The following CMIP variants were observed in gnomAD, a reference collection of about 807,000 sequenced individuals.
The protein encoded by CMIP is c-Maf inducing protein, also known as C-Maf-inducing protein.
In CMIP, 13 loss-of-function variants were observed where a neutral mutation model predicts 97.3. The observed-to-expected ratio is 0.13, with a 90% CI of 0.09 to 0.21. The LOEUF (loss-of-function observed/expected upper bound fraction) is 0.21, where lower values mean the gene tolerates loss of function less well. Ranked by LOEUF, CMIP falls within the 10% of genes least tolerant of loss-of-function variation. CMIP has a pLI of 1.00. For synonymous variants in CMIP, 538 were observed against 436.3 expected, an observed-to-expected ratio of 1.23 and a Z score of -2.91; for missense variants, 847 against 1,024.9, an observed-to-expected ratio of 0.83 and a Z score of 2.37.
chr16:81,502,085 C>T (rs1388443305), intron 1 of CMIP, among the ~76,000 whole-genome samples: 1 of 152,172 alleles, frequency 6.6e-6, no homozygotes, highest in African/African-American at 2.4e-5. Context: ...CAGAGCAGCC[C>T]TAAGGGGCAG....
At chr16:81,695,518 G>C (rs1906611259) in intron 13 of CMIP, 1 of 152,222 alleles carries the variant, frequency 6.6e-6, no homozygotes, top group Admixed American at 6.5e-5. Flanking sequence ...TTTCCTAAAG[G>C]AAATGATGAG....
chr16:81,654,492 C>G, intron 4 of CMIP, among the ~76,000 whole-genome samples: 1 of 152,182 alleles, frequency 6.6e-6, no homozygotes, highest in East Asian at 1.9e-4. Context: ...AAGAAGTTTC[C>G]ATGTGCTTTG....
intron 2 of CMIP, chr16:81,610,382 C>G (rs1031715788): frequency 1.0e-6 from 1 of 985,612 alleles, no homozygotes; most frequent in Non-Finnish European, 1.2e-6. Context: ...CCCCTGATCC[C>G]GTGGACAGCG....
Position 81,681,101 on chromosome 16 carries a change from C to T in CMIP, c.1388+2473C>T, listed in dbSNP as rs142811801. On this transcript the variant is annotated intron_variant, in intron 10 of 20. Transcript: ENST00000537098. ...CCAGGACAGTCAGGGCAAGCCAGGACGGGTTCCCGATGGGGCTACGCAGAG... is the reference window on the plus strand; with the variant it reads ...CCAGGACAGTCAGGGCAAGCCAGGATGGGTTCCCGATGGGGCTACGCAGAG... Among the ~76,000 whole-genome samples the T allele has an allele frequency of 3.5e-4, 54 of 152,318 alleles. 2 individuals carry two copies. The East Asian group carries it at 6.7e-3, about 19-fold the overall frequency.
At chr16:81,447,826 G>T (rs1413414605) in intron 1 of CMIP, among the ~76,000 whole-genome samples, 1 of 152,220 alleles carries the variant, frequency 6.6e-6, no homozygotes, top group East Asian at 1.9e-4. Flanking sequence ...GGGCTGTGAG[G>T]GCTGGCCTGG....
intron 1 of CMIP, among the ~76,000 whole-genome samples, chr16:81,508,955 A>G (rs556019665): frequency 5.2e-4 from 79 of 152,232 alleles, no homozygotes; most frequent in Non-Finnish European, 9.7e-4. Flanking sequence ...TCCTTTGCTC[A>G]GCGTGGAGTC....
chr16:81,452,552 G>A (rs1420556451), intron 1 of CMIP, among the ~76,000 whole-genome samples: 7 of 152,140 alleles, frequency 4.6e-5, no homozygotes, highest in Admixed American at 1.3e-4. Flanking sequence ...GGTGGGGCGA[G>A]TGGTGGGCTG....
chr16:81,661,580 C>T (rs533958157), intron 6 of CMIP, among the ~76,000 whole-genome samples: 1 of 152,208 alleles, frequency 6.6e-6, no homozygotes, highest in East Asian at 1.9e-4. Flanking sequence ...CTCAGCTGGT[C>T]CTCATCCCTC....
At chr16:81,699,217 A>G (rs1050274810) in intron 14 of CMIP, among the ~76,000 whole-genome samples, 6 of 152,186 alleles carry the variant, frequency 3.9e-5, no homozygotes, top group Non-Finnish European at 8.8e-5. Flanking sequence ...TCGCACCACT[A>G]CACACTCCAG....
At chr16:81,509,806 G>C (rs927036997) in intron 1 of CMIP, among the ~76,000 whole-genome samples, 5 of 152,196 alleles carry the variant, frequency 3.3e-5, no homozygotes, top group Non-Finnish European at 7.3e-5. Flanking sequence ...AGACCCCTCA[G>C]CTTGCTGTCT....
intron 1 of CMIP, among the ~76,000 whole-genome samples, chr16:81,481,995 C>T (rs2089231879): frequency 6.6e-6 from 1 of 151,880 alleles, no homozygotes; most frequent in Admixed American, 6.6e-5. Flanking sequence ...TCTTGTGCCT[C>T]AGCCTCCTGA....
intron 1 of CMIP, among the ~76,000 whole-genome samples, chr16:81,459,224 C>T (rs1906756828): frequency 6.6e-6 from 1 of 152,166 alleles, no homozygotes; most frequent in African/African-American, 2.4e-5. Flanking sequence ...AGGCCTTTGT[C>T]TGTTGCATGG....
chr16:81,531,222 A>G (rs946882862), intron 1 of CMIP, among the ~76,000 whole-genome samples: 8 of 152,254 alleles, frequency 5.3e-5, no homozygotes, highest in Admixed American at 3.9e-4. Context: ...CACAGGGACG[A>G]GCACCGTGTG....
intron 13 of CMIP, among the ~76,000 whole-genome samples, chr16:81,695,227 C>G (rs1906576578): frequency 6.6e-6 from 1 of 152,250 alleles, no homozygotes; most frequent in African/African-American, 2.4e-5. Context: ...TGCTGATTCT[C>G]TCTCCCTTTT....
intron 3 of CMIP, among the ~76,000 whole-genome samples, chr16:81,639,708 T>C (rs1278855721): frequency 1.3e-5 from 2 of 152,172 alleles, no homozygotes; most frequent in African/African-American, 2.4e-5. Flanking sequence ...GCTGTGAACA[T>C]GGGTGTGCAA....
chr16:81,569,813 TTCTCATC>T (rs1258617123), intron 1 of CMIP, among the ~76,000 whole-genome samples: 1 of 152,232 alleles, frequency 6.6e-6, no homozygotes, highest in Admixed American at 6.5e-5. Context: ...AGACTCGGTT[TTCTCATC>T]TGTAAAATGG....
intron 1 of CMIP, among the ~76,000 whole-genome samples, chr16:81,530,868 C>T (rs1459038285): frequency 1.3e-5 from 2 of 152,200 alleles, no homozygotes; most frequent in Non-Finnish European, 1.5e-5. Context: ...AGAAATTTCT[C>T]TACCGTCCCA....
intron 1 of CMIP, among the ~76,000 whole-genome samples, chr16:81,481,049 C>T (rs1908229587): frequency 1.3e-5 from 2 of 152,214 alleles, no homozygotes; most frequent in African/African-American, 4.8e-5. Context: ...CTGTGCACAC[C>T]TCAGGGCTTT....
At chr16:81,626,879 A>ATG (rs139978377) in intron 3 of CMIP, among the ~76,000 whole-genome samples, 3 of 103,174 alleles carry the variant, frequency 2.9e-5, no homozygotes, top group Non-Finnish European at 6.0e-5. Flanking sequence ...TAACTATTTT[A>ATG]TGTGTGTGTG....
Sources: gnomAD v4.1 joint callset for allele counts (sites outside exome capture counted in the v4.1 genomes callset) on GRCh38, gnomAD v4.1.1 for gene constraint, MANE v1.5 for transcripts, NCBI Gene and HGNC (gene_info 2026-07-23, HGNC 2026-07-21) for gene names.